The following NALF1 variants were observed in gnomAD, a reference collection of about 807,000 sequenced individuals.
NALF1 encodes the protein family with sequence similarity 155 member A.
Under a neutral mutation model 48.4 loss-of-function variants are expected in NALF1, and 3 were observed. The ratio of observed to expected loss-of-function variants is 0.06; its 90% confidence interval spans 0.03 to 0.16. The LOEUF is 0.16. Among genes scored for constraint, NALF1 ranks in the 10% least tolerant of loss-of-function variants. The pLI is 1.00. For missense variants in NALF1, 526 were observed against 571.5 expected (o/e 0.92, Z 0.81); for synonymous variants, 262 against 245.7 (o/e 1.07, Z -0.62).
At chr13:107,296,323 A>G (rs9587346) in intron 1 of NALF1, among the ~76,000 whole-genome samples, 52,464 of 152,132 alleles carry the variant, frequency 0.34, 10,914 homozygotes, top group South Asian at 0.56. Flanking sequence ...AAGAAGATAC[A>G]GTAGCCTAGT....
At chr13:107,197,662 G>A (rs1321377506) in intron 2 of NALF1, among the ~76,000 whole-genome samples, 1 of 152,176 alleles carries the variant, frequency 6.6e-6, no homozygotes, top group African/African-American at 2.4e-5. Flanking sequence ...GCACTCACCT[G>A]CTGGAGTGGG....
intron 1 of NALF1, among the ~76,000 whole-genome samples, chr13:107,757,434 T>C (rs1877136988): frequency 6.7e-6 from 1 of 149,868 alleles, no homozygotes; most frequent in African/African-American, 2.5e-5. Flanking sequence ...TTTTTTTTTT[T>C]CAGTCAACAG....
intron 1 of NALF1, among the ~76,000 whole-genome samples, chr13:107,336,352 C>CGAT (rs200505370): frequency 0.032 from 4,511 of 140,312 alleles, 109 homozygotes; most frequent in African/African-American, 0.064. Flanking sequence ...GACTCTGTCT[C>CGAT]GATGATGATG....
intron 1 of NALF1, among the ~76,000 whole-genome samples, chr13:107,571,428 C>T (rs546987875): frequency 1.2e-4 from 19 of 152,108 alleles, no homozygotes; most frequent in Admixed American, 1.2e-3. Context: ...CCACAAAAAC[C>T]CTAAATAATG....
intron 1 of NALF1, among the ~76,000 whole-genome samples, chr13:107,300,837 G>T (rs1366455695): frequency 6.6e-6 from 1 of 152,140 alleles, no homozygotes; most frequent in Non-Finnish European, 1.5e-5. Flanking sequence ...GAGAGGAACA[G>T]ATTCACTGTT....
intron 1 of NALF1, among the ~76,000 whole-genome samples, chr13:107,533,223 A>G (rs1486874341): frequency 6.6e-6 from 1 of 152,112 alleles, no homozygotes; most frequent in Non-Finnish European, 1.5e-5. Flanking sequence ...ACATTTATAG[A>G]AATTTACACA....
At position 107,165,603 on chromosome 13, in the gene NALF1, A is replaced by G. The variant is rs1455782703; in HGVS notation, c.*4894T>C. 1 of 152,218 alleles carries G rather than the reference A, an allele frequency of 6.6e-6. No homozygotes were observed. The highest frequency in any genetic ancestry group is 1.5e-5 in the Non-Finnish European group (1 of 68,032). 9.4% of individuals were successfully genotyped at this position (152,218 alleles called of 1,614,324 possible). ...GTTTTATTCCAAGGCTAAGAAGATTATCTATACATTTTCTCATTATTTGGA... is the reference window on the plus strand; with the variant it reads ...GTTTTATTCCAAGGCTAAGAAGATTGTCTATACATTTTCTCATTATTTGGA... On this transcript the variant is annotated 3_prime_UTR_variant, in exon 3 of 3. Transcript: ENST00000375915.
Position 107,653,687 on chromosome 13 carries a change from A to G in NALF1, c.915+211995T>C, listed in dbSNP as rs550169605. Among the ~76,000 whole-genome samples, 12 of 152,126 alleles carry G rather than the reference A, an allele frequency of 7.9e-5. 1 individual carries two copies. In the South Asian group the frequency reaches 2.5e-3, roughly 32 times the overall value. On this transcript the variant is annotated intron_variant, in intron 1 of 2. Coordinates refer to ENST00000375915, the MANE Select transcript of NALF1 (RefSeq NM_001080396.3). ...TGAGAGATGACCTTCATGACTCTAG[A>G]TCCCAAAAGACCACCTCAGCTGCCC...
chr13:107,442,808 A>G (rs1036957387), intron 1 of NALF1, among the ~76,000 whole-genome samples: 4 of 152,350 alleles, frequency 2.6e-5, no homozygotes, highest in Admixed American at 2.6e-4. Context: ...TGACAAATCA[A>G]AAGAAAATGG....
chr13:107,707,423 T>C (rs1875429882), intron 1 of NALF1, among the ~76,000 whole-genome samples: 1 of 152,222 alleles, frequency 6.6e-6, no homozygotes, highest in Non-Finnish European at 1.5e-5. Flanking sequence ...CCTTTTCATG[T>C]TGATGATGTC....
chr13:107,254,406 T>C (rs74114020), intron 1 of NALF1, among the ~76,000 whole-genome samples: 17,210 of 152,104 alleles, frequency 0.11, 1,148 homozygotes, highest in African/African-American at 0.17. Context: ...GATGGCACGA[T>C]CTGCAGGGCT....
chr13:107,217,298 T>C (rs4771558), intron 1 of NALF1, among the ~76,000 whole-genome samples: 77,205 of 151,494 alleles, frequency 0.51, 20,400 homozygotes, highest in South Asian at 0.76. Flanking sequence ...GAAATGCCAC[T>C]GGGACTTGTT....
At chr13:107,512,411 A>C (rs2139088491) in intron 1 of NALF1, among the ~76,000 whole-genome samples, 1 of 152,056 alleles carries the variant, frequency 6.6e-6, no homozygotes, top group East Asian at 1.9e-4. Flanking sequence ...AAAAAGAAAA[A>C]CCTGGTTTAG....
At chr13:107,508,189 T>C (rs1291764880) in intron 1 of NALF1, among the ~76,000 whole-genome samples, 1 of 152,144 alleles carries the variant, frequency 6.6e-6, no homozygotes, top group Non-Finnish European at 1.5e-5. Flanking sequence ...TGCTTTTTTA[T>C]GAAACCTTTA....
chr13:107,449,855 G>C (rs1884711301), intron 1 of NALF1, among the ~76,000 whole-genome samples: 1 of 152,120 alleles, frequency 6.6e-6, no homozygotes, highest in Non-Finnish European at 1.5e-5. Context: ...TACAGTTAAG[G>C]AAACAGAGTC....
At chr13:107,194,037 TATC>T (rs1879339269) in intron 2 of NALF1, among the ~76,000 whole-genome samples, 1 of 148,128 alleles carries the variant, frequency 6.8e-6, no homozygotes, top group South Asian at 2.1e-4. Context: ...TCTATCTATC[TATC>T]TATCTATCTA....
At chr13:107,229,206 G>A (rs1232546159) in intron 1 of NALF1, among the ~76,000 whole-genome samples, 1 of 152,006 alleles carries the variant, frequency 6.6e-6, no homozygotes, top group Non-Finnish European at 1.5e-5. Flanking sequence ...ATTTAGGTGA[G>A]CATATTCATT....
At position 107,164,399 on chromosome 13, in the gene NALF1, G is replaced by A. The variant is rs368764222; in HGVS notation, c.*6098C>T. 6 of 151,568 alleles carry A rather than the reference G, an allele frequency of 4.0e-5. No homozygotes were observed. The East Asian group carries it at 1.2e-3, about 29-fold the overall frequency. The allele number at this position is 151,568 out of a possible 1,614,324, so 9.4% of individuals were successfully genotyped here. On this transcript the variant is annotated 3_prime_UTR_variant, in exon 3 of 3. Coordinates refer to ENST00000375915, the MANE Select transcript of NALF1 (RefSeq NM_001080396.3). ...GTTAATTAAAATATATATTAATTCA[G>A]TTTAATTAATTTTCATAATAAATGT...
chr13:107,492,124 C>T (rs1254485574), intron 1 of NALF1, among the ~76,000 whole-genome samples: 2 of 146,336 alleles, frequency 1.4e-5, no homozygotes, highest in African/African-American at 2.6e-5. Context: ...AATCTCGGCT[C>T]ACTGCAACCT....
Sources: allele counts gnomAD v4.1 joint callset (sites outside exome capture counted in the v4.1 genomes callset), GRCh38; gene constraint gnomAD v4.1.1; transcripts MANE v1.5; gene names NCBI Gene and HGNC (gene_info 2026-07-23, HGNC 2026-07-21).